The following PCDHA8 variants were observed in gnomAD, a reference collection of about 807,000 sequenced individuals.
The protein encoded by PCDHA8 is protocadherin alpha-8.
In PCDHA8, 53 loss-of-function variants were observed where a neutral mutation model predicts 61.8. The observed-to-expected ratio is 0.86, with a 90% CI of 0.69 to 1.08. The LOEUF (loss-of-function observed/expected upper bound fraction) is 1.08. PCDHA8 is among the 50% of genes least tolerant of loss of function. The pLI is 0.00. For synonymous variants in PCDHA8, 618 were observed against 556.6 expected, an observed-to-expected ratio of 1.11 and a Z score of -1.55; for missense variants, 1,293 against 1,245.0, an observed-to-expected ratio of 1.04 and a Z score of -0.58.
At chr5:140,928,240 C>G (rs1174659124) in intron 1 of PCDHA8, 1 of 1,614,108 alleles carries the variant, frequency 6.2e-7, no homozygotes, top group Non-Finnish European at 8.5e-7. Flanking sequence ...TCAACCCCAG[C>G]AGGAACTTTT....
At chr5:140,955,648 A>G (rs1554222007) in intron 1 of PCDHA8, among the ~76,000 whole-genome samples, 1 of 152,138 alleles carries the variant, frequency 6.6e-6, no homozygotes, top group East Asian at 1.9e-4. Flanking sequence ...ACAAATTAAT[A>G]CACATATGAA....
intron 1 of PCDHA8, among the ~76,000 whole-genome samples, chr5:140,925,937 C>T (rs1244990026): frequency 1.4e-5 from 2 of 138,450 alleles, no homozygotes; most frequent in East Asian, 3.9e-4. Flanking sequence ...AGTAGAGCCT[C>T]TTGGAGAAGG....
At chr5:140,850,722 A>T (rs2150495731) in intron 1 of PCDHA8, 1 of 1,597,444 alleles carries the variant, frequency 6.3e-7, no homozygotes, top group Non-Finnish European at 8.6e-7. Flanking sequence ...GGTGTGTTCT[A>T]GCGCGGTGGG....
At chr5:140,860,243 C>G (rs189216184) in intron 1 of PCDHA8, 1 of 151,206 alleles carries the variant, frequency 6.6e-6, no homozygotes, top group Non-Finnish European at 1.5e-5. Context: ...CATGGTGGTA[C>G]ATGCCTTTAG....
At chr5:140,844,072 C>T (rs1779214774) in intron 1 of PCDHA8, among the ~76,000 whole-genome samples, 1 of 149,460 alleles carries the variant, frequency 6.7e-6, no homozygotes, top group African/African-American at 2.5e-5. Context: ...TTCTTTTGTC[C>T]TTAGGCACTG....
At position 140,850,458 on chromosome 5, in the gene PCDHA8, G is replaced by T. The variant is rs150924900; in HGVS notation, c.2394+6743G>T. 34 of 1,597,834 alleles carry T rather than the reference G, an allele frequency of 2.1e-5. 2 individuals carry two copies. In the African/African-American group the frequency reaches 4.4e-4, roughly 21 times the overall value. On this transcript the variant is annotated intron_variant, in intron 1 of 3. Transcript: ENST00000531613. ...CCTACTGGTGCTGGTGAAAGACCAC[G>T]GGGAGCCAGCGCTGACGGCCACGGC...
chr5:141,009,739 C>A lies in PCDHA8; in HGVS notation c.2655C>A (p.Pro885=), dbSNP rs370989006. Residue 885 remains proline, a synonymous_variant, in exon 4 of 4, where the codon CCC becomes CCA. Transcript: ENST00000531613. ...AACAATCCGGTCCCGGTGAGTTGCC[C>A]GACAAATTCATTATCCCAGGATCTC... ...NPKQSGPGEL[P]DKFIIPGSPA... 2 of 1,614,010 alleles carry A rather than the reference C, an allele frequency of 1.2e-6. No homozygotes were observed. Among genetic ancestry groups the A allele is most frequent in the Non-Finnish European group, 1.7e-6 (2 of 1,180,008 alleles).
At chr5:140,848,914 T>G in intron 1 of PCDHA8, 4 of 1,608,096 alleles carry the variant, frequency 2.5e-6, no homozygotes, top group Non-Finnish European at 3.4e-6. Context: ...CAAAAGAATC[T>G]GTTCATCGCG....
chr5:140,926,441 A>G (rs1476576189), intron 1 of PCDHA8: 1 of 154,800 alleles, frequency 6.5e-6, no homozygotes, highest in African/African-American at 2.4e-5. Context: ...AGATCTGGGC[A>G]GCCTCAGGGC....
At chr5:140,898,622 A>C (rs1286354840) in intron 1 of PCDHA8, among the ~76,000 whole-genome samples, 1 of 152,172 alleles carries the variant, frequency 6.6e-6, no homozygotes, top group Admixed American at 6.5e-5. Context: ...GTCAGGTAGC[A>C]TAATGCCTCC....
intron 1 of PCDHA8, among the ~76,000 whole-genome samples, chr5:140,890,662 C>T (rs75284753): frequency 0.011 from 1,622 of 152,252 alleles, 17 homozygotes; most frequent in African/African-American, 0.028. Flanking sequence ...CAAAAGTTAA[C>T]TGAAACCCTT....
chr5:140,857,036 G>T (rs1174179572), intron 1 of PCDHA8: 1 of 1,596,046 alleles, frequency 6.3e-7, no homozygotes, highest in Non-Finnish European at 8.6e-7. Context: ...CCCACCTATG[G>T]TTGGTCACTG....
At chr5:140,957,919 A>G (rs1477103013) in intron 1 of PCDHA8, among the ~76,000 whole-genome samples, 1 of 152,158 alleles carries the variant, frequency 6.6e-6, no homozygotes, top group Non-Finnish European at 1.5e-5. Flanking sequence ...TTATCTATGT[A>G]TCAAGCTAAA....
intron 3 of PCDHA8, among the ~76,000 whole-genome samples, chr5:140,999,861 A>G (rs1181249308): frequency 6.6e-6 from 1 of 152,184 alleles, no homozygotes; most frequent in Non-Finnish European, 1.5e-5. Flanking sequence ...TTCCGCTCCA[A>G]GATTACTGAA....
intron 1 of PCDHA8, among the ~76,000 whole-genome samples, chr5:140,971,333 G>A (rs1015985935): frequency 6.6e-6 from 1 of 152,194 alleles, no homozygotes. Context: ...AATTATTTCA[G>A]AAAGTGCTTG....
At chr5:140,991,740 GCT>G (rs1175946938) in intron 3 of PCDHA8, among the ~76,000 whole-genome samples, 3 of 152,200 alleles carry the variant, frequency 2.0e-5, no homozygotes, top group African/African-American at 7.2e-5. Context: ...GGTAATGTAG[GCT>G]CTTTCTATCA....
intron 1 of PCDHA8, among the ~76,000 whole-genome samples, chr5:140,934,446 A>G (rs527371307): frequency 2.0e-5 from 3 of 152,188 alleles, no homozygotes; most frequent in Non-Finnish European, 4.4e-5. Context: ...ATAGTGAAAA[A>G]TGCAAATAAT....
chr5:140,926,659 C>T, intron 1 of PCDHA8: 1 of 531,904 alleles, frequency 1.9e-6, no homozygotes, highest in Non-Finnish European at 3.0e-6. Context: ...CTCCGCTTTC[C>T]CAGACGGCTG....
chr5:140,876,948 C>T, intron 1 of PCDHA8: 2 of 1,613,572 alleles, frequency 1.2e-6, no homozygotes, highest in Non-Finnish European at 1.7e-6. Context: ...TGGTGTCCTA[C>T]TCGCTGGTGG....
Sources: gnomAD v4.1 joint callset for allele counts (sites outside exome capture counted in the v4.1 genomes callset) on GRCh38, gnomAD v4.1.1 for gene constraint, MANE v1.5 for transcripts, NCBI Gene and HGNC (gene_info 2026-07-23, HGNC 2026-07-21) for gene names.